Variants in PTPRT observed in about 807,000 individuals in gnomAD.
The protein encoded by PTPRT is receptor-type tyrosine-protein phosphatase T.
Under a neutral mutation model 176.8 loss-of-function variants are expected in PTPRT, and 56 were observed. The observed-to-expected ratio is 0.32, with a 90% CI of 0.26 to 0.40. The LOEUF (loss-of-function observed/expected upper bound fraction) is 0.40. Among genes scored for constraint, PTPRT ranks in the 10% least tolerant of loss-of-function variants. PTPRT has a pLI of 1.00. For missense variants in PTPRT, 1,540 were observed against 1,908.2 expected (o/e 0.81, Z 3.60); for synonymous variants, 783 against 739.0 (o/e 1.06, Z -0.96).
intron 11 of PTPRT, among the ~76,000 whole-genome samples, chr20:42,320,727 T>C (rs927346627): frequency 6.6e-5 from 10 of 152,218 alleles, no homozygotes; most frequent in Non-Finnish European, 8.8e-5. Context: ...CCTGATCTCA[T>C]AGGGAGCTCT....
chr20:42,354,300 T>C (rs1226283194), intron 9 of PTPRT, among the ~76,000 whole-genome samples: 1 of 152,192 alleles, frequency 6.6e-6, no homozygotes, highest in Non-Finnish European at 1.5e-5. Context: ...TGAAATCCTA[T>C]GAAACGCGCT....
At chr20:42,376,254 A>G (rs1448695477) in intron 9 of PTPRT, among the ~76,000 whole-genome samples, 4 of 152,210 alleles carry the variant, frequency 2.6e-5, no homozygotes, top group Non-Finnish European at 5.9e-5. Flanking sequence ...CAGTTGATTC[A>G]GTACAAAACT....
intron 1 of PTPRT, among the ~76,000 whole-genome samples, chr20:43,188,441 A>G (rs1449361369): frequency 1.3e-5 from 2 of 152,194 alleles, no homozygotes; most frequent in East Asian, 3.9e-4. Flanking sequence ...ATGTCCTTCC[A>G]GCGGCCCTTA....
chr20:42,392,781 A>G (rs942697302), intron 9 of PTPRT, among the ~76,000 whole-genome samples: 1 of 152,212 alleles, frequency 6.6e-6, no homozygotes, highest in Non-Finnish European at 1.5e-5. Flanking sequence ...AGAAAAGGGC[A>G]TGGGTGGTGC....
At position 43,056,761 on chromosome 20, in the gene PTPRT, A is replaced by C. The variant is rs572904049; in HGVS notation, c.88+132885T>G. Reference sequence around the variant, plus strand: ...AACAGTGGGAAAACATTAACAAATCAAATAATAAAAATGATAATTTATCAA... The same window carrying C: ...AACAGTGGGAAAACATTAACAAATCCAATAATAAAAATGATAATTTATCAA... On this transcript the variant is annotated intron_variant, in intron 1 of 30. Transcript: ENST00000373187. Among the ~76,000 whole-genome samples the C allele has an allele frequency of 2.5e-4, 38 of 152,320 alleles. No individual in the cohort carries two copies. The East Asian group carries it at 7.2e-3, about 29-fold the overall frequency.
At chr20:42,748,303 C>T (rs2076719742) in intron 6 of PTPRT, among the ~76,000 whole-genome samples, 1 of 152,140 alleles carries the variant, frequency 6.6e-6, no homozygotes, top group Non-Finnish European at 1.5e-5. Flanking sequence ...GATGTTAGCC[C>T]AGGCTCTCTG....
chr20:42,827,354 T>C (rs1466318684), intron 2 of PTPRT, among the ~76,000 whole-genome samples: 1 of 152,036 alleles, frequency 6.6e-6, no homozygotes, highest in Non-Finnish European at 1.5e-5. Context: ...CCAAACACAC[T>C]CTTAGATCAC....
At chr20:42,814,842 A>G (rs1286789984) in intron 2 of PTPRT, among the ~76,000 whole-genome samples, 15 of 152,168 alleles carry the variant, frequency 9.9e-5, no homozygotes, top group Admixed American at 9.8e-4. Context: ...GAACACCAAC[A>G]TTAGTTTAAA....
intron 14 of PTPRT, among the ~76,000 whole-genome samples, chr20:42,246,687 A>C (rs1026973813): frequency 1.3e-5 from 2 of 152,232 alleles, no homozygotes; most frequent in Non-Finnish European, 2.9e-5. Flanking sequence ...GATGATGGTG[A>C]CGTGGGTTAA....
At chr20:42,278,438 C>A (rs938706279) in intron 13 of PTPRT, among the ~76,000 whole-genome samples, 1 of 151,544 alleles carries the variant, frequency 6.6e-6, no homozygotes, top group Non-Finnish European at 1.5e-5. Flanking sequence ...AGGATAGAAG[C>A]TTAGAGGAGG....
the PTPRT span, among the ~76,000 whole-genome samples, chr20:42,038,778 T>C: frequency 6.6e-6 from 1 of 151,994 alleles, no homozygotes; most frequent in Non-Finnish European, 1.5e-5. Flanking sequence ...GCCAGGTGAG[T>C]AGGCTAAGGT....
intron 1 of PTPRT, among the ~76,000 whole-genome samples, chr20:43,168,816 C>T (rs774684361): frequency 6.6e-6 from 1 of 152,274 alleles, no homozygotes; most frequent in East Asian, 1.9e-4. Flanking sequence ...ATTCAACCTG[C>T]TCCTAAGAAA....
intron 7 of PTPRT, among the ~76,000 whole-genome samples, chr20:42,481,562 G>A (rs1305751228): frequency 6.6e-6 from 1 of 152,032 alleles, no homozygotes; most frequent in Non-Finnish European, 1.5e-5. Context: ...CATGGAGGTT[G>A]TTGATCAAGA....
chr20:42,516,021 G>A (rs1056222720), intron 7 of PTPRT, among the ~76,000 whole-genome samples: 19 of 144,588 alleles, frequency 1.3e-4, no homozygotes, highest in African/African-American at 4.4e-4. Context: ...ACCAAACACC[G>A]CATATTCTCA....
At chr20:42,514,179 AT>A (rs2145468985) in intron 7 of PTPRT, among the ~76,000 whole-genome samples, 1 of 152,324 alleles carries the variant, frequency 6.6e-6, no homozygotes, top group South Asian at 2.1e-4. Context: ...CGATATATTC[AT>A]CTTTTGCTTT....
At chr20:43,060,611 T>C (rs550339470) in intron 1 of PTPRT, among the ~76,000 whole-genome samples, 12 of 152,348 alleles carry the variant, frequency 7.9e-5, no homozygotes, top group African/African-American at 2.6e-4. Flanking sequence ...CAACAATACA[T>C]ACTTTGCATG....
At chr20:42,364,085 C>T (rs1007938558) in intron 9 of PTPRT, among the ~76,000 whole-genome samples, 7 of 152,134 alleles carry the variant, frequency 4.6e-5, no homozygotes, top group Admixed American at 2.0e-4. Context: ...GAATTAGGGG[C>T]GATCAGGGGA....
chr20:42,034,808 T>C, the PTPRT span, among the ~76,000 whole-genome samples: 1 of 152,166 alleles, frequency 6.6e-6, no homozygotes, highest in African/African-American at 2.4e-5. Context: ...TTTGAAAAGG[T>C]GACATCTGGT....
intron 13 of PTPRT, among the ~76,000 whole-genome samples, chr20:42,263,816 T>C (rs1337075075): frequency 6.6e-6 from 1 of 151,770 alleles, no homozygotes; most frequent in Admixed American, 6.6e-5. Flanking sequence ...GGAGCCACCA[T>C]ACCTGGCCTG....
Sources: allele counts gnomAD v4.1 joint callset (sites outside exome capture counted in the v4.1 genomes callset), GRCh38; gene constraint gnomAD v4.1.1; transcripts MANE v1.5; gene names NCBI Gene and HGNC (gene_info 2026-07-23, HGNC 2026-07-21).